Variants in SERPINF1 observed in about 807,000 individuals in gnomAD.
SERPINF1 encodes pigment epithelium-derived factor.
Under a neutral mutation model 37.3 loss-of-function variants are expected in SERPINF1, and 29 were observed. The ratio of observed to expected loss-of-function variants is 0.78; its 90% CI spans 0.58 to 1.06. The LOEUF (loss-of-function observed/expected upper bound fraction) is 1.06, where lower values mean the gene tolerates loss of function less well. Among genes scored for constraint, SERPINF1 ranks in the 50% least tolerant of loss-of-function variants. SERPINF1 has a pLI of 0.00. For missense variants in SERPINF1, 553 were observed against 532.2 expected, an observed-to-expected ratio of 1.04 and a Z score of -0.38; for synonymous variants, 281 against 227.9, an observed-to-expected ratio of 1.23 and a Z score of -2.10.
At chr17:1,774,922 C>A in intron 5 of SERPINF1, 136 bp from the exon 6 acceptor site, 1 of 1,031,168 alleles carries the variant, frequency 9.7e-7, no homozygotes, top group Non-Finnish European at 1.5e-6. Context: ...GGCCTATTCC[C>A]TGAGGCCTCA....
chr17:1,770,892 C>A, intron 3 of SERPINF1, 137 bp from the exon 4 acceptor site: 1 of 1,108,910 alleles, frequency 9.0e-7, no homozygotes, highest in Non-Finnish European at 1.4e-6. Context: ...CCTTGGCCAC[C>A]TAGATTGTCT....
intron 5 of SERPINF1, 140 bp downstream of exon 5, chr17:1,772,215 C>A: frequency 2.3e-6 from 2 of 883,036 alleles, no homozygotes; most frequent in Non-Finnish European, 3.5e-6. Context: ...CTCCCAGGTT[C>A]AAGCAATTCT....
intron 5 of SERPINF1, among the ~76,000 whole-genome samples, chr17:1,772,788 C>T (rs936947827): frequency 5.3e-5 from 8 of 150,772 alleles, no homozygotes; most frequent in South Asian, 2.1e-4. Flanking sequence ...CCTCGTGATC[C>T]ACCCGCCTCA....
chr17:1,770,622 G>A (rs1907669091), intron 3 of SERPINF1: 1 of 268,980 alleles, frequency 3.7e-6, no homozygotes, highest in Non-Finnish European at 7.3e-6. Flanking sequence ...ATCATGCCCA[G>A]CTAATTTTTG....
chr17:1,773,285 C>T (rs1267688558), intron 5 of SERPINF1, among the ~76,000 whole-genome samples: 1 of 152,106 alleles, frequency 6.6e-6, no homozygotes. Flanking sequence ...ATTCTGTTGC[C>T]CAGGCTGGAG....
intron 5 of SERPINF1, among the ~76,000 whole-genome samples, chr17:1,774,066 C>G (rs1229884812): frequency 6.6e-6 from 1 of 152,182 alleles, no homozygotes; most frequent in Admixed American, 6.5e-5. Context: ...GTTACTTCAC[C>G]TCTTTGGCTT....
Position 1,773,875 on chromosome 17 carries a change from C to T in SERPINF1, c.644-1183C>T, listed in dbSNP as rs898070307. Among the ~76,000 whole-genome samples the T allele has an allele frequency of 9.9e-5, 15 of 152,216 alleles. No homozygotes were observed. In the South Asian group the frequency reaches 1.0e-3, roughly 11 times the overall value. On this transcript the variant is annotated intron_variant, in intron 5 of 7. Coordinates refer to ENST00000254722, the MANE Select transcript of SERPINF1 (RefSeq NM_002615.7). ...GGGTTGGGCAAACTCTCCCTTAAAACGCTTTGTAACCATCTGAGGCACCAG... is the reference window on the plus strand; with the variant it reads ...GGGTTGGGCAAACTCTCCCTTAAAATGCTTTGTAACCATCTGAGGCACCAG...
rs371736738 is a variant in SERPINF1 at position 1,766,887 on chromosome 17, C to T, written c.-8-16C>T. 155 of 1,551,408 alleles carry T rather than the reference C, an allele frequency of 1.0e-4. No homozygotes were observed. The highest frequency in any genetic ancestry group is 1.4e-4 in the African/African-American group (10 of 73,086). ...GTCGGGGGAGAGCGGCTTGCTGCCT[C>T]GTTCTTTTCTTGCAGGCCCCAGGAT... On this transcript the variant is annotated splice_polypyrimidine_tract_variant and intron_variant, in intron 1 of 7. Transcript: ENST00000254722.
At chr17:1,768,742 G>A (rs923436788) in intron 2 of SERPINF1, among the ~76,000 whole-genome samples, 7 of 151,876 alleles carry the variant, frequency 4.6e-5, no homozygotes, top group Admixed American at 4.6e-4. Flanking sequence ...CTGCCAAAGT[G>A]CTGGGATTAT....
chr17:1,765,390 C>T (rs551031115), intron 1 of SERPINF1, among the ~76,000 whole-genome samples: 1 of 151,656 alleles, frequency 6.6e-6, no homozygotes, highest in Non-Finnish European at 1.5e-5. Flanking sequence ...GTGGCATAAT[C>T]GGCTCACTGC....
chr17:1,763,767 C>T (rs981941020), intron 1 of SERPINF1, among the ~76,000 whole-genome samples: 1 of 152,258 alleles, frequency 6.6e-6, no homozygotes, highest in Admixed American at 6.5e-5. Context: ...CACCTCACCT[C>T]AGCCTACCCA....
intron 3 of SERPINF1, chr17:1,770,498 C>G (rs546415424): frequency 5.3e-6 from 1 of 189,340 alleles, no homozygotes; most frequent in Non-Finnish European, 1.1e-5. Flanking sequence ...CTCGCTTTGT[C>G]GCCAAGGCTG....
chr17:1,775,547 CT>C (rs148801713), intron 6 of SERPINF1, among the ~76,000 whole-genome samples: 4,598 of 142,716 alleles, frequency 0.032, 83 homozygotes, highest in Non-Finnish European at 0.046. Flanking sequence ...TCGTTGGCAT[CT>C]TTTTTTTTTT....
intron 1 of SERPINF1, among the ~76,000 whole-genome samples, chr17:1,765,905 C>T (rs1462947360): frequency 6.6e-6 from 1 of 151,432 alleles, no homozygotes; most frequent in East Asian, 1.9e-4. Flanking sequence ...AATGTGAACC[C>T]AGGATCTCTG....
At chr17:1,775,308 T>C (rs1200607147) in intron 6 of SERPINF1, 108 bp downstream of exon 6, 3 of 1,126,190 alleles carry the variant, frequency 2.7e-6, no homozygotes, top group Non-Finnish European at 2.5e-6. Context: ...GCTGTCTACA[T>C]GTCGCCTGCT....
At chr17:1,772,460 A>G (rs1312990200) in intron 5 of SERPINF1, among the ~76,000 whole-genome samples, 1 of 152,108 alleles carries the variant, frequency 6.6e-6, no homozygotes, top group Non-Finnish European at 1.5e-5. Flanking sequence ...CATGATGCCC[A>G]GGCTGGTCTC....
rs376069872 is a variant in SERPINF1 at position 1,763,147 on chromosome 17, C to T, written c.-9+1034C>T. ...CCAGAGAGGACCCCTCAATCCCCTC[C>T]GGAGAGCCAGGGGAGGGGGAGGTGC... On this transcript the variant is annotated intron_variant, in intron 1 of 7. Transcript: ENST00000254722. Among the ~76,000 whole-genome samples, 101 of 152,306 alleles carry T rather than the reference C, an allele frequency of 6.6e-4. 1 individual carries two copies. Among genetic ancestry groups the T allele is most frequent in the African/African-American group, 2.3e-3 (94 of 41,576 alleles).
chr17:1,766,187 A>C (rs1291653306), intron 1 of SERPINF1: 1 of 152,158 alleles, frequency 6.6e-6, no homozygotes, highest in Non-Finnish European at 1.5e-5. Context: ...TTTAGCATAC[A>C]CTTGTGCTGG....
rs1288185414 is a variant in SERPINF1 at position 1,777,479 on chromosome 17, A to G, written c.*33A>G. ...GTTTAATATTCCAATACCCTAGAAGAAAACCCGAGGGACAGCAGATTCCAC... is the reference window on the plus strand; with the variant it reads ...GTTTAATATTCCAATACCCTAGAAGGAAACCCGAGGGACAGCAGATTCCAC... On this transcript the variant is annotated 3_prime_UTR_variant, in exon 8 of 8. Coordinates refer to ENST00000254722, the MANE Select transcript of SERPINF1 (RefSeq NM_002615.7). 1 of 1,613,598 alleles carries G rather than the reference A, an allele frequency of 6.2e-7. No homozygotes were observed. Among genetic ancestry groups the G allele is most frequent in the Non-Finnish European group, 8.5e-7 (1 of 1,180,026 alleles).
Sources: gnomAD v4.1 joint callset for allele counts (sites outside exome capture counted in the v4.1 genomes callset) on GRCh38, gnomAD v4.1.1 for gene constraint, MANE v1.5 for transcripts, NCBI Gene and HGNC (gene_info 2026-07-23, HGNC 2026-07-21) for gene names.